CRLF2: variants seen among roughly 807,000 people sequenced by gnomAD.
CRLF2 encodes cytokine receptor-like factor 2.
In CRLF2, 41 loss-of-function variants were observed where a neutral mutation model predicts 38.7. The observed-to-expected ratio is 1.06, with a 90% CI of 0.83 to 1.37. CRLF2 has a LOEUF of 1.37. Ranked by LOEUF, CRLF2 falls within the 40% of genes most tolerant of loss-of-function variation. The probability of loss-of-function intolerance (pLI) is 0.00; values close to 1 mark genes in which losing one functional copy is unlikely to be tolerated. For missense variants in CRLF2, 377 were observed against 322.2 expected, an observed-to-expected ratio of 1.17 and a Z score of -1.30; for synonymous variants, 140 against 128.8, an observed-to-expected ratio of 1.09 and a Z score of -0.59.
At chrX:1,208,460 G>A (rs2086730191) in intron 2 of CRLF2, among the ~76,000 whole-genome samples, 8 of 152,156 alleles carry the variant, frequency 5.3e-5, no homozygotes, top group Admixed American at 5.2e-4. Flanking sequence ...TCGGGAGGCT[G>A]AGGCAGGGGA....
intron 1 of CRLF2, among the ~76,000 whole-genome samples, chrX:1,210,950 T>A (rs1489284961): frequency 2.0e-5 from 3 of 151,536 alleles, no homozygotes; most frequent in African/African-American, 7.3e-5. Flanking sequence ...GATGGATGCA[T>A]GGATAGATGG....
chrX:1,191,970 CCA>C (rs2086388573), intron 7 of CRLF2, among the ~76,000 whole-genome samples: 1 of 149,828 alleles, frequency 6.7e-6, no homozygotes, highest in Non-Finnish European at 1.5e-5. Flanking sequence ...CTTTGGGAGG[CCA>C]AGGTGGGTGG....
rs201844736 is a variant in CRLF2, at chrX:1,200,132, CAT to C, written c.484-1410_484-1409del. ...TATATATAAAGTTTGTGTATCTATA[CAT>C]GTGTGTATATACATGTGTGTATATA... On this transcript the variant is annotated intron_variant, in intron 4 of 7. Transcript: ENST00000400841. Among the ~76,000 whole-genome samples the C allele has an allele frequency of 1.6e-3, 235 of 149,056 alleles. 2 individuals carry two copies. In the East Asian group the frequency reaches 0.034, roughly 21 times the overall value.
At chrX:1,211,081 A>G (rs2086788641) in intron 1 of CRLF2, among the ~76,000 whole-genome samples, 1 of 149,858 alleles carries the variant, frequency 6.7e-6, no homozygotes, top group Non-Finnish European at 1.5e-5. Flanking sequence ...TGGTGGATGG[A>G]TGGATAGATG....
intron 2 of CRLF2, among the ~76,000 whole-genome samples, chrX:1,207,608 A>T (rs1295276231): frequency 6.7e-6 from 1 of 148,346 alleles, no homozygotes; most frequent in Non-Finnish European, 1.5e-5. Flanking sequence ...TGAATTCTGC[A>T]ACTACGTGCA....
intron 7 of CRLF2, 145 bp from the exon 8 acceptor site, chrX:1,191,305 CTTT>C (rs2086370413): frequency 2.6e-4 from 93 of 353,632 alleles, no homozygotes; most frequent in South Asian, 4.1e-4. Flanking sequence ...CTCTTTCTTT[CTTT>C]CTTTCTTTCT....
chrX:1,212,594 A>G lies in CRLF2; in HGVS notation c.41T>C (p.Leu14Pro), dbSNP rs758026261. ...LVLLWGAAVFLLGGWMALGQG... is the reference protein window; with the variant it reads ...LVLLWGAAVFPLGGWMALGQG... ...CCCCAAAGCCATCCAGCCTCCCAGCAGAAAGACGGCAGCTCCCCACAGCAG... is the reference window on the plus strand; with the variant it reads ...CCCCAAAGCCATCCAGCCTCCCAGCGGAAAGACGGCAGCTCCCCACAGCAG... Residue 14 changes from leucine to proline, a missense_variant, in exon 1 of 8, where the codon CTG becomes CCG. Leu to Pro is a moderately conservative substitution (Grantham distance 98). Transcript: ENST00000400841. 1 of 1,612,952 alleles carries G rather than the reference A, an allele frequency of 6.2e-7. No homozygotes were observed. The highest frequency in any genetic ancestry group is 8.5e-7 in the Non-Finnish European group (1 of 1,179,396).
rs2086362277 is a variant in CRLF2, at chrX:1,190,900, C to G, written c.1113G>C (p.Leu371Phe). Reference sequence around the variant, plus strand: ...GACTTTGACAGTGGTGTGTCCATCACAACGCCACGTAGGAGCGGTCATTCA... The same window carrying G: ...GACTTTGACAGTGGTGTGTCCATCAGAACGCCACGTAGGAGCGGTCATTCA... ...FVMNDRSYVA[L>F] is the part of the protein sequence containing the mutation. The change falls in exon 8 of 8, where the codon TTG becomes TTC. Residue 371 changes from leucine (L) to phenylalanine (F), a missense_variant. Leu to Phe is a conservative substitution (Grantham distance 22). Coordinates refer to ENST00000400841, the MANE Select transcript of CRLF2 (RefSeq NM_022148.4). 5.0e-6 allele frequency: 2 copies of G among 398,726 alleles called. No individual in the cohort carries two copies. The highest frequency in any genetic ancestry group is 8.8e-6 in the Non-Finnish European group (2 of 226,116). The allele number at this position is 398,726 out of a possible 1,614,324, so 24.7% of individuals were successfully genotyped here. A position where few individuals can be genotyped will look rare whatever the true frequency, so the allele number is the denominator to read the frequency against.
At chrX:1,204,988 TTTTGTTTG>T in intron 3 of CRLF2, among the ~76,000 whole-genome samples, 1 of 151,118 alleles carries the variant, frequency 6.6e-6, no homozygotes, top group Non-Finnish European at 1.5e-5. Context: ...CCGGCTAATT[TTTTGTTTG>T]TTTGTTTGTT....
rs768091891 is a variant in CRLF2 at position 1,206,467 on chromosome X, G to T, written c.315C>A (p.Pro105=). 9.3e-6 allele frequency: 15 copies of T among 1,613,594 alleles called. No individual in the cohort carries two copies. The highest frequency in any genetic ancestry group is 1.3e-5 in the Non-Finnish European group (15 of 1,179,638). ...LYFSIRNGTH[P]VFTASRWMVY... ...CCATCCAGCGACTTGCGGTGAAAACGGGGTGCGTCCCATTCCTGATGGAGA... is the reference window on the plus strand; with the variant it reads ...CCATCCAGCGACTTGCGGTGAAAACTGGGTGCGTCCCATTCCTGATGGAGA... Residue 105 remains proline (P), a synonymous_variant, in exon 3 of 8, where the codon CCC becomes CCA. Coordinates refer to ENST00000400841, the MANE Select transcript of CRLF2 (RefSeq NM_022148.4).
At chrX:1,201,596 TAGAG>T (rs747012767) in intron 4 of CRLF2, among the ~76,000 whole-genome samples, 1,055 of 26,936 alleles carry the variant, frequency 0.039, 9 homozygotes, top group African/African-American at 0.096. Context: ...AGAGCAATGA[TAGAG>T]AGATAGATGA....
At chrX:1,191,314 T>TTTCTTTCTTTCTTTCTTTCC (rs2086371634) in intron 7 of CRLF2, among the ~76,000 whole-genome samples, 154 bp from the exon 8 acceptor site, 1 of 115,942 alleles carries the variant, frequency 8.6e-6, no homozygotes, top group Non-Finnish European at 1.8e-5. Context: ...TCTTTCTTTC[T>TTTCTTTCTTTCTTTCTTTCC]TTCTTTCTTT....
intron 7 of CRLF2, among the ~76,000 whole-genome samples, 162 bp from the exon 8 acceptor site, chrX:1,191,322 T>C (rs1367546304): frequency 2.5e-5 from 3 of 118,580 alleles, no homozygotes; most frequent in Non-Finnish European, 3.5e-5. Context: ...TCTTTCTTTC[T>C]TTCTTTCTTT....
chrX:1,206,466 C>T lies in CRLF2; in HGVS notation c.316G>A (p.Val106Ile), dbSNP rs2086692644. 5 of 1,613,610 alleles carry T rather than the reference C, an allele frequency of 3.1e-6. No homozygotes were observed. Among genetic ancestry groups the T allele is most frequent in the South Asian group, 1.1e-5 (1 of 91,058 alleles). The change falls in exon 3 of 8, where the codon GTT (valine) becomes ATT (isoleucine). Residue 106 changes from valine (V) to isoleucine (I), a missense_variant. Coordinates refer to ENST00000400841, the MANE Select transcript of CRLF2 (RefSeq NM_022148.4). Reference sequence around the variant, plus strand: ...ACCATCCAGCGACTTGCGGTGAAAACGGGGTGCGTCCCATTCCTGATGGAG... The same window carrying T: ...ACCATCCAGCGACTTGCGGTGAAAATGGGGTGCGTCCCATTCCTGATGGAG... ...YFSIRNGTHP[V>I]FTASRWMVYY...
Position 1,212,591 on chromosome X carries a change from A to G in CRLF2, c.44T>C (p.Leu15Pro), listed in dbSNP as rs1206189838. The change falls in exon 1 of 8, where the codon CTG becomes CCG. Residue 15 changes from leucine (L) to proline (P), a missense_variant. Coordinates refer to ENST00000400841, the MANE Select transcript of CRLF2 (RefSeq NM_022148.4). Reference protein sequence around the residue: ...VLLWGAAVFLLGGWMALGQGG... With the variant: ...VLLWGAAVFLPGGWMALGQGG... ...TTGCCCCAAAGCCATCCAGCCTCCC[A>G]GCAGAAAGACGGCAGCTCCCCACAG... The G allele has an allele frequency of 3.7e-6, 6 of 1,612,820 alleles. No individual in the cohort carries two copies. The highest frequency in any genetic ancestry group is 4.2e-6 in the Non-Finnish European group (5 of 1,179,380).
At chrX:1,192,819 C>CT (rs1286988377) in intron 7 of CRLF2, among the ~76,000 whole-genome samples, 132 of 134,108 alleles carry the variant, frequency 9.8e-4, no homozygotes, top group African/African-American at 2.6e-3. Context: ...TTCCTTCCTT[C>CT]TTTTTTTTTT....
chrX:1,207,329 C>T (rs2147850760), intron 2 of CRLF2, among the ~76,000 whole-genome samples: 1 of 151,428 alleles, frequency 6.6e-6, no homozygotes, highest in African/African-American at 2.4e-5. Context: ...GATCTCGGCC[C>T]ACTGCAACCT....
intron 7 of CRLF2, 61 bp from the exon 8 acceptor site, chrX:1,191,221 A>G (rs1224665513): frequency 1.8e-5 from 7 of 398,600 alleles, no homozygotes; most frequent in Non-Finnish European, 3.1e-5. Flanking sequence ...CGTCCTGAGC[A>G]TCCGTACAGA....
At position 1,206,454 on chromosome X, in the gene CRLF2, T is replaced by C; in HGVS notation, c.328A>G (p.Ser110Gly). The C allele has an allele frequency of 1.2e-6, 2 of 1,613,500 alleles. No homozygotes were observed. Among genetic ancestry groups the C allele is most frequent in the Non-Finnish European group, 1.7e-6 (2 of 1,179,628 alleles). The change falls in exon 3 of 8, where the codon AGT becomes GGT. Residue 110 changes from serine to glycine, a missense_variant. By Grantham distance (56) the Ser-to-Gly change is moderately conservative. Transcript: ENST00000400841. ...RNGTHPVFTASRWMVYYLKPS... is the reference protein window; with the variant it reads ...RNGTHPVFTAGRWMVYYLKPS... ...TTACGGTAATAAACCATCCAGCGACTTGCGGTGAAAACGGGGTGCGTCCCA... is the reference window on the plus strand; with the variant it reads ...TTACGGTAATAAACCATCCAGCGACCTGCGGTGAAAACGGGGTGCGTCCCA...
Sources: gnomAD v4.1 joint callset for allele counts (sites outside exome capture counted in the v4.1 genomes callset) on GRCh38, gnomAD v4.1.1 for gene constraint, MANE v1.5 for transcripts, NCBI Gene and HGNC (gene_info 2026-07-23, HGNC 2026-07-21) for gene names.